Variants in PTPRZ1 observed in about 807,000 individuals in gnomAD.
PTPRZ1 encodes the protein protein tyrosine phosphatase receptor type Z1, also known as receptor-type tyrosine-protein phosphatase zeta.
PTPRZ1 carries 82 observed loss-of-function variants against 214.1 expected under a neutral mutation model. That is an observed-to-expected ratio of 0.38 (90% CI 0.32 to 0.46). PTPRZ1 has a LOEUF of 0.46. PTPRZ1 is among the 20% of genes least tolerant of loss of function. The pLI is 1.00. For missense variants in PTPRZ1, 2,603 were observed against 2,748.7 expected (o/e 0.95, Z 1.19); for synonymous variants, 945 against 987.9 (o/e 0.96, Z 0.81).
intron 1 of PTPRZ1, among the ~76,000 whole-genome samples, chr7:121,925,602 A>G (rs1380027108): frequency 1.3e-5 from 2 of 152,200 alleles, no homozygotes; most frequent in Non-Finnish European, 1.5e-5. Flanking sequence ...TCCGAGTCTG[A>G]ACTCAACACA....
In PTPRZ1 at chr7:122,011,605, G is replaced by C; in HGVS notation, c.2559G>C (p.Lys853Asn). 1 of 1,614,048 alleles carries C rather than the reference G, an allele frequency of 6.2e-7. No homozygotes were observed. The highest frequency in any genetic ancestry group is 8.5e-7 in the Non-Finnish European group (1 of 1,179,990). Residue 853 changes from lysine (K) to asparagine (N), a missense_variant, in exon 12 of 30, where the codon AAG (lysine) becomes AAC (asparagine). This residue lies in a region of PTPRZ1 where 1,913 missense variants were observed against 1,914.3 expected (regional missense o/e 1.00). Transcript: ENST00000393386. ...TTACTTCAGCTACCGAGAGTGATAA[G>C]GTGCCCTTGCATGCTTCTCTGCCAG... ...PQVTSATESD[K>N]VPLHASLPVA...
intron 8 of PTPRZ1, among the ~76,000 whole-genome samples, chr7:121,988,267 CT>C (rs1033812583): frequency 6.6e-6 from 1 of 151,568 alleles, no homozygotes; most frequent in African/African-American, 2.4e-5. Flanking sequence ...TGATACAGAA[CT>C]TTTTTTTTCT....
chr7:121,954,350 A>G (rs762005009), intron 2 of PTPRZ1, among the ~76,000 whole-genome samples: 1 of 152,046 alleles, frequency 6.6e-6, no homozygotes, highest in Non-Finnish European at 1.5e-5. Context: ...CCCTCCACTC[A>G]CTGCCTTGCA....
chr7:122,015,529 G>A (rs1041598140), intron 12 of PTPRZ1, among the ~76,000 whole-genome samples: 3 of 151,936 alleles, frequency 2.0e-5, no homozygotes, highest in Non-Finnish European at 2.9e-5. Flanking sequence ...GAATCCATAG[G>A]TCACTATAGT....
In PTPRZ1 at chr7:122,039,575, C is replaced by A; in HGVS notation, c.5624C>A (p.Thr1875Lys). The A allele has an allele frequency of 6.2e-7, 1 of 1,610,386 alleles. No individual in the cohort carries two copies. The highest frequency in any genetic ancestry group is 1.7e-5 in the Admixed American group (1 of 59,146). The change falls in exon 20 of 30, where the codon ACA becomes AAA. Residue 1875 changes from threonine (T) to lysine (K), a missense_variant. Physicochemically the swap from Thr to Lys is moderately conservative, Grantham distance 78. Around this residue, in one of 6 missense-constraint regions of PTPRZ1, gnomAD observed 1,913 missense variants for 1,914.3 expected, o/e 1.00. Coordinates refer to ENST00000393386, the MANE Select transcript of PTPRZ1 (RefSeq NM_002851.3). ...GTGAGGAATTTTACTCTAAGAAACA[C>A]AAAAATAAAAAAGGTGAGTCAACAA... ...YTVRNFTLRN[T>K]KIKKGSQKGR...
chr7:121,906,290 CA>C (rs1374855011), intron 1 of PTPRZ1, among the ~76,000 whole-genome samples: 1 of 151,984 alleles, frequency 6.6e-6, no homozygotes, highest in Non-Finnish European at 1.5e-5. Context: ...CTTTTGTGTT[CA>C]AAATATAAAT....
intron 2 of PTPRZ1, among the ~76,000 whole-genome samples, chr7:121,960,089 G>T (rs904596726): frequency 6.6e-6 from 1 of 152,130 alleles, no homozygotes; most frequent in African/African-American, 2.4e-5. Flanking sequence ...CCCAGGCTGG[G>T]GTACAGTGGC....
At chr7:121,958,855 ACT>A (rs1466360257) in intron 2 of PTPRZ1, among the ~76,000 whole-genome samples, 3 of 151,916 alleles carry the variant, frequency 2.0e-5, no homozygotes, top group African/African-American at 7.3e-5. Context: ...ACAGAGTCTC[ACT>A]CTGTTGCCCA....
intron 1 of PTPRZ1, among the ~76,000 whole-genome samples, chr7:121,900,655 C>T (rs962172857): frequency 6.6e-6 from 1 of 152,080 alleles, no homozygotes; most frequent in African/African-American, 2.4e-5. Flanking sequence ...GTCATGCTGC[C>T]CAATTTATTC....
chr7:121,895,046 G>T (rs1436694444), intron 1 of PTPRZ1, among the ~76,000 whole-genome samples: 2 of 152,128 alleles, frequency 1.3e-5, no homozygotes, highest in Non-Finnish European at 2.9e-5. Context: ...GTCCTCTGAA[G>T]GCTTTTATTT....
At chr7:122,045,855 G>GAGA (rs1799881260) in intron 23 of PTPRZ1, among the ~76,000 whole-genome samples, 1 of 152,078 alleles carries the variant, frequency 6.6e-6, no homozygotes, top group Admixed American at 6.6e-5. Flanking sequence ...ATTGAAAAGA[G>GAGA]AGATATTTTA....
chr7:121,978,932 G>A (rs145352585), intron 6 of PTPRZ1, among the ~76,000 whole-genome samples: 2 of 151,834 alleles, frequency 1.3e-5, no homozygotes, highest in South Asian at 4.2e-4. Flanking sequence ...TAAACTGAAG[G>A]CTCCCCCATA....
chr7:122,018,103 G>T (rs965510498), intron 12 of PTPRZ1, among the ~76,000 whole-genome samples: 1 of 152,128 alleles, frequency 6.6e-6, no homozygotes, highest in Admixed American at 6.5e-5. Flanking sequence ...GCATAAGAAG[G>T]CATGTAGATT....
intron 1 of PTPRZ1, among the ~76,000 whole-genome samples, chr7:121,900,264 T>C (rs886633972): frequency 1.3e-5 from 2 of 152,138 alleles, no homozygotes; most frequent in Non-Finnish European, 2.9e-5. Flanking sequence ...CCCTGGCAAC[T>C]CAAGAAAACT....
Position 121,977,884 on chromosome 7 carries a change from T to C in PTPRZ1, c.619+1033T>C, listed in dbSNP as rs893518474. 1.3e-5 allele frequency among the ~76,000 whole-genome samples: 2 copies of C among 152,126 alleles called. 1 individual carries two copies. The highest frequency in any genetic ancestry group is 2.9e-5 in the Non-Finnish European group (2 of 68,028). ...AAACAACTTGTTTGAATTCCTATAC[T>C]TAAAAAAATGTGTAAGATATGAATT... On this transcript the variant is annotated intron_variant, in intron 6 of 29. Transcript: ENST00000393386.
chr7:122,039,413 C>T (rs1182493751), intron 19 of PTPRZ1, 41 bp from the exon 20 acceptor site: 4 of 1,599,808 alleles, frequency 2.5e-6, no homozygotes, highest in Admixed American at 3.5e-5. Context: ...TTACATGGAG[C>T]ATTTGAAATA....
rs181085324 is a variant in PTPRZ1, at chr7:122,047,392, A to G, written c.6084+2824A>G. ...CTTATGTTTTAATATGAGACATGAG[A>G]GCTTCTTTAAAAACTAATGGGAAGG... is the stretch of plus-strand genomic sequence containing the variant. On this transcript the variant is annotated intron_variant, in intron 23 of 29. Transcript: ENST00000393386. 1.6e-3 allele frequency among the ~76,000 whole-genome samples: 238 copies of G among 152,192 alleles called. 1 individual carries two copies. Among genetic ancestry groups the G allele is most frequent in the African/African-American group, 5.3e-3 (219 of 41,522 alleles).
Position 122,013,390 on chromosome 7 carries a change from T to C in PTPRZ1, c.4344T>C (p.Tyr1448=), listed in dbSNP as rs1483580469. The stretch of plus-strand genomic sequence containing the variant: ...ATAAGTGTATGTCATGCTCATCCTA[T>C]AGAGAATCACAGGAAAAGGTAATGA... ...SIHKCMSCSS[Y]RESQEKVMND... Residue 1448 remains tyrosine (Y), a synonymous_variant, in exon 12 of 30, where the codon TAT becomes TAC. Coordinates refer to ENST00000393386, the MANE Select transcript of PTPRZ1 (RefSeq NM_002851.3). 1.2e-6 allele frequency: 2 copies of C among 1,614,066 alleles called. No individual in the cohort carries two copies. The highest frequency in any genetic ancestry group is 2.2e-5 in the East Asian group (1 of 44,890).
At chr7:121,985,007 G>A (rs1797723361) in intron 8 of PTPRZ1, among the ~76,000 whole-genome samples, 1 of 150,842 alleles carries the variant, frequency 6.6e-6, no homozygotes, top group Non-Finnish European at 1.5e-5. Flanking sequence ...ATTTTTTTTT[G>A]CCATGTATAA....
Sources: allele counts gnomAD v4.1 joint callset (sites outside exome capture counted in the v4.1 genomes callset), GRCh38; gene constraint gnomAD v4.1.1; regional missense constraint gnomAD v4.1.1; transcripts MANE v1.5; gene names NCBI Gene and HGNC (gene_info 2026-07-23, HGNC 2026-07-21).